The following PDS5A variants were observed in gnomAD, a reference collection of about 807,000 sequenced individuals.
PDS5A encodes the protein PDS5 cohesin associated factor A.
PDS5A carries 42 observed loss-of-function variants against 167.1 expected under a neutral mutation model. The ratio of observed to expected loss-of-function variants is 0.25; its 90% CI spans 0.20 to 0.33. The LOEUF (loss-of-function observed/expected upper bound fraction) is 0.33. PDS5A is among the 10% of genes least tolerant of loss of function. The pLI, the probability that PDS5A is intolerant of heterozygous loss-of-function variation, is 1.00. For synonymous variants in PDS5A, 553 were observed against 554.6 expected (o/e 1.00, Z 0.04); for missense variants, 1,033 against 1,605.9 (o/e 0.64, Z 6.10).
rs76081884 is a variant in PDS5A, at chr4:39,902,963, C to T, written c.1386-503G>A. On this transcript the variant is annotated intron_variant, in intron 12 of 32. Transcript: ENST00000303538. The stretch of plus-strand genomic sequence containing the variant: ...TCAGTACAGTTTAACTTTAGAGACA[C>T]GGTTACTGTCTGTGGCTTTATAATT... Among the ~76,000 whole-genome samples the T allele has an allele frequency of 4.6e-3, 703 of 152,256 alleles. 6 individuals are homozygous for T. The highest frequency in any genetic ancestry group is 0.016 in the African/African-American group (663 of 41,544).
intron 32 of PDS5A, chr4:39,837,043 G>T (rs1716492622): frequency 1.4e-5 from 2 of 145,248 alleles, no homozygotes; most frequent in South Asian, 4.4e-4. Flanking sequence ...TGTTGGTCAG[G>T]CTGGTCTTGA....
chr4:39,942,185 T>C (rs1727286628), intron 2 of PDS5A, among the ~76,000 whole-genome samples: 1 of 152,170 alleles, frequency 6.6e-6, no homozygotes, highest in Non-Finnish European at 1.5e-5. Context: ...ACGTCTATAC[T>C]TATACATATG....
intron 26 of PDS5A, among the ~76,000 whole-genome samples, chr4:39,855,581 A>C (rs1014411360): frequency 6.6e-6 from 1 of 152,216 alleles, no homozygotes; most frequent in Non-Finnish European, 1.5e-5. Context: ...TCAATGAGAT[A>C]AAAGAAATAA....
chr4:39,906,590 A>G (rs55744519), intron 11 of PDS5A, among the ~76,000 whole-genome samples: 1 of 143,758 alleles, frequency 7.0e-6, no homozygotes, highest in Non-Finnish European at 1.5e-5. Context: ...AAATAATAGT[A>G]AAAAAAAATC....
intron 27 of PDS5A, among the ~76,000 whole-genome samples, 200 bp downstream of exon 27, chr4:39,849,320 T>C (rs35391170): frequency 0.033 from 4,972 of 152,186 alleles, 194 homozygotes; most frequent in East Asian, 0.22. Context: ...AAGGTTATAA[T>C]GTCTTTTCAG....
intron 16 of PDS5A, among the ~76,000 whole-genome samples, chr4:39,896,468 C>T (rs1345258372): frequency 2.0e-5 from 3 of 150,930 alleles, no homozygotes; most frequent in African/African-American, 7.3e-5. Context: ...TAGCTTCTTC[C>T]TATTAAAAAT....
At chr4:39,871,109 T>C (rs953019800) in intron 21 of PDS5A, among the ~76,000 whole-genome samples, 14 of 152,118 alleles carry the variant, frequency 9.2e-5, no homozygotes. Context: ...TAGGTAGTCA[T>C]AGAGTCAGAA....
chr4:39,844,478 C>CA lies in PDS5A; in HGVS notation c.3548+177dup, dbSNP rs9306976. Among the ~76,000 whole-genome samples, 233 of 130,272 alleles carry CA rather than the reference C, an allele frequency of 1.8e-3. 2 individuals are homozygous for CA. The highest frequency in any genetic ancestry group is 6.0e-3 in the African/African-American group (205 of 34,416). The allele number at this position is 130,272 out of a possible 152,430, so 85.5% of individuals were successfully genotyped here. On this transcript the variant is annotated intron_variant, in intron 30 of 32. Coordinates refer to ENST00000303538, the MANE Select transcript of PDS5A (RefSeq NM_001100399.2). ...CGGGGACAAGAGCGAGACTTTGTCT[C>CA]AAAAAAAAAAAAAAAACAAAAAAAA...
chr4:39,876,485 C>T (rs1031292719), intron 19 of PDS5A, among the ~76,000 whole-genome samples: 6 of 152,118 alleles, frequency 3.9e-5, no homozygotes, highest in African/African-American at 1.4e-4. Context: ...GATTCAACTG[C>T]CATTTGCAAT....
intron 13 of PDS5A, among the ~76,000 whole-genome samples, chr4:39,900,835 A>C (rs1372219446): frequency 6.6e-6 from 1 of 151,432 alleles, no homozygotes; most frequent in Non-Finnish European, 1.5e-5. Flanking sequence ...ACAAACTGAA[A>C]AACATGTATA....
At chr4:39,881,264 G>C (rs1443320797) in intron 17 of PDS5A, among the ~76,000 whole-genome samples, 1 of 151,960 alleles carries the variant, frequency 6.6e-6, no homozygotes, top group Non-Finnish European at 1.5e-5. Context: ...ATAATAATGA[G>C]TATACGGATA....
chr4:39,907,403 G>A (rs1341440210), intron 11 of PDS5A, among the ~76,000 whole-genome samples: 1 of 151,992 alleles, frequency 6.6e-6, no homozygotes, highest in Non-Finnish European at 1.5e-5. Context: ...ATTTGCAGAC[G>A]AAAGTAATTT....
Position 39,926,866 on chromosome 4 carries a change from T to C in PDS5A, c.343-5A>G. The C allele has an allele frequency of 8.5e-7, 1 of 1,179,754 alleles. No homozygotes were observed. The highest frequency in any genetic ancestry group is 1.1e-6 in the Non-Finnish European group (1 of 896,092). The allele number at this position is 1,179,754 out of a possible 1,614,324, so 73.1% of individuals were successfully genotyped here. A position where few individuals can be genotyped will look rare whatever the true frequency, so the allele number is the denominator to read the frequency against. ...GGTAATAAACAAAAATATGTCCTGT[T>C]AAAAAAAAAAACACATTAATTTAGA... is the stretch of plus-strand genomic sequence containing the variant. On this transcript the variant is annotated splice_region_variant and splice_polypyrimidine_tract_variant and intron_variant, in intron 3 of 32. Coordinates refer to ENST00000303538, the MANE Select transcript of PDS5A (RefSeq NM_001100399.2).
intron 2 of PDS5A, among the ~76,000 whole-genome samples, chr4:39,946,774 G>T (rs1158386065): frequency 7.2e-5 from 11 of 151,808 alleles, no homozygotes; most frequent in African/African-American, 2.4e-4. Flanking sequence ...AAATCAGTCA[G>T]GCGTGGCGGG....
intron 2 of PDS5A, among the ~76,000 whole-genome samples, chr4:39,963,912 T>C (rs983347826): frequency 2.6e-5 from 4 of 151,464 alleles, no homozygotes; most frequent in East Asian, 3.9e-4. Context: ...AGAAATTAGC[T>C]TTTTTTTCCC....
chr4:39,847,031 A>G (rs546045906), intron 28 of PDS5A: 27 of 152,180 alleles, frequency 1.8e-4, no homozygotes, highest in African/African-American at 6.3e-4. Context: ...TTATGAATTT[A>G]TAACACATTA....
intron 14 of PDS5A, among the ~76,000 whole-genome samples, chr4:39,899,953 C>T (rs1315215422): frequency 1.3e-5 from 2 of 150,930 alleles, no homozygotes; most frequent in African/African-American, 4.9e-5. Flanking sequence ...TTAAGAACAC[C>T]TATTCTAGTG....
At chr4:39,942,475 G>T in intron 2 of PDS5A, among the ~76,000 whole-genome samples, 1 of 152,042 alleles carries the variant, frequency 6.6e-6, no homozygotes, top group East Asian at 1.9e-4. Flanking sequence ...TCTTGAGACA[G>T]GGTCTCACTC....
chr4:39,929,493 G>A (rs1351716453), intron 2 of PDS5A, among the ~76,000 whole-genome samples: 13 of 138,014 alleles, frequency 9.4e-5, no homozygotes, highest in Non-Finnish European at 1.7e-4. Context: ...CCTATTGTGG[G>A]GCCTTGTGAG....
Sources: gnomAD v4.1 joint callset for allele counts (sites outside exome capture counted in the v4.1 genomes callset) on GRCh38, gnomAD v4.1.1 for gene constraint, MANE v1.5 for transcripts, NCBI Gene and HGNC (gene_info 2026-07-23, HGNC 2026-07-21) for gene names.